Variants in IGF2BP3 observed in about 807,000 individuals in gnomAD.
The protein encoded by IGF2BP3 is insulin like growth factor 2 mRNA binding protein 3.
A neutral mutation model predicts 73.8 loss-of-function variants in IGF2BP3; 9 were observed. The observed-to-expected ratio is 0.12, with a 90% CI of 0.07 to 0.21. The LOEUF (loss-of-function observed/expected upper bound fraction) is 0.21. IGF2BP3 is among the 10% of genes least tolerant of loss of function. The probability of loss-of-function intolerance (pLI) is 1.00; values close to 1 mark genes in which losing one functional copy is unlikely to be tolerated. For synonymous variants in IGF2BP3, 258 were observed against 256.7 expected (o/e 1.01, Z -0.05); for missense variants, 542 against 714.0 (o/e 0.76, Z 2.75).
chr7:23,327,064 T>TAATA (rs370034312), intron 10 of IGF2BP3, among the ~76,000 whole-genome samples: 142 of 149,916 alleles, frequency 9.5e-4, no homozygotes, highest in African/African-American at 3.3e-3. Flanking sequence ...ACTTAAAGTA[T>TAATA]AATAAATAAA....
At chr7:23,330,219 G>T (rs1784408811) in intron 10 of IGF2BP3, among the ~76,000 whole-genome samples, 1 of 151,930 alleles carries the variant, frequency 6.6e-6, no homozygotes, top group Non-Finnish European at 1.5e-5. Flanking sequence ...CTGGGAGGCG[G>T]AGGCTACAGT....
chr7:23,372,979 G>C (rs755148346), intron 3 of IGF2BP3, among the ~76,000 whole-genome samples: 1 of 152,108 alleles, frequency 6.6e-6, no homozygotes, highest in Non-Finnish European at 1.5e-5. Flanking sequence ...AGATTCCAGA[G>C]CCCATACTCT....
intron 10 of IGF2BP3, among the ~76,000 whole-genome samples, chr7:23,341,773 GA>G (rs1452944575): frequency 6.6e-6 from 1 of 151,166 alleles, no homozygotes; most frequent in Non-Finnish European, 1.5e-5. Flanking sequence ...AAAGAAAAAA[GA>G]AAAAAGAAAA....
At chr7:23,434,108 A>G (rs565375452) in intron 2 of IGF2BP3, among the ~76,000 whole-genome samples, 1,543 of 150,516 alleles carry the variant, frequency 0.01, 11 homozygotes, top group South Asian at 0.031. Flanking sequence ...AAAAAAAAAA[A>G]GAAAAAGTTT....
intron 3 of IGF2BP3, among the ~76,000 whole-genome samples, chr7:23,366,342 T>C (rs780174770): frequency 3.9e-5 from 6 of 152,132 alleles, no homozygotes; most frequent in Non-Finnish European, 5.9e-5. Context: ...TTCACCATGT[T>C]GCCCAGGCTG....
At chr7:23,364,981 C>A (rs1785332996) in intron 3 of IGF2BP3, among the ~76,000 whole-genome samples, 1 of 152,164 alleles carries the variant, frequency 6.6e-6, no homozygotes, top group African/African-American at 2.4e-5. Context: ...GCCTGGCCAA[C>A]ATGGTGAAAC....
chr7:23,390,415 A>G (rs1223248921), intron 3 of IGF2BP3, among the ~76,000 whole-genome samples: 3 of 152,226 alleles, frequency 2.0e-5, no homozygotes, highest in Non-Finnish European at 4.4e-5. Context: ...TACCAACTAA[A>G]CAAGCGTAGA....
chr7:23,439,161 T>C (rs1460993345), intron 2 of IGF2BP3, among the ~76,000 whole-genome samples: 3 of 152,072 alleles, frequency 2.0e-5, no homozygotes, highest in Non-Finnish European at 4.4e-5. Context: ...AAGAATCCCT[T>C]AAGCCCAGGA....
chr7:23,413,059 C>T (rs1787079208), intron 3 of IGF2BP3, among the ~76,000 whole-genome samples: 2 of 150,890 alleles, frequency 1.3e-5, no homozygotes, highest in Non-Finnish European at 3.0e-5. Context: ...GGGGTTTCTC[C>T]ATGTTGGCCA....
chr7:23,423,294 AATCT>A (rs1562744183), intron 2 of IGF2BP3, among the ~76,000 whole-genome samples: 2 of 152,178 alleles, frequency 1.3e-5, no homozygotes, highest in African/African-American at 4.8e-5. Context: ...ACTGGAGAAA[AATCT>A]ATCTCAGTCA....
intron 3 of IGF2BP3, among the ~76,000 whole-genome samples, chr7:23,417,517 G>C (rs1407650511): frequency 6.6e-6 from 1 of 152,154 alleles, no homozygotes; most frequent in Non-Finnish European, 1.5e-5. Flanking sequence ...GAATTAAAAG[G>C]AAACTCTGCC....
chr7:23,435,585 A>G (rs1171899490), intron 2 of IGF2BP3, among the ~76,000 whole-genome samples: 1 of 151,054 alleles, frequency 6.6e-6, no homozygotes, highest in Non-Finnish European at 1.5e-5. Context: ...CCTCCCGAGT[A>G]GCTGGGATTA....
intron 10 of IGF2BP3, among the ~76,000 whole-genome samples, chr7:23,340,796 G>A (rs548226916): frequency 2.0e-5 from 3 of 151,718 alleles, no homozygotes; most frequent in Non-Finnish European, 4.4e-5. Context: ...TGACCTCAAG[G>A]AAACTGCTAT....
rs1237905622 is a variant in IGF2BP3, at chr7:23,433,191, A to C, written c.237-14367T>G. Among the ~76,000 whole-genome samples, 3 of 152,326 alleles carry C rather than the reference A, an allele frequency of 2.0e-5. No homozygotes were observed. In the South Asian group the frequency reaches 6.2e-4, roughly 32 times the overall value. On this transcript the variant is annotated intron_variant, in intron 2 of 14. Coordinates refer to ENST00000258729, the MANE Select transcript of IGF2BP3 (RefSeq NM_006547.3). ...GTAGCACTGAAAATTAATTATTCCC[A>C]TACTTTTCCATAGCTAAAACTAGTT...
At position 23,349,312 on chromosome 7, in the gene IGF2BP3, G is replaced by A. The variant is rs115410688; in HGVS notation, c.684-1578C>T. 8.9e-3 allele frequency among the ~76,000 whole-genome samples: 1,350 copies of A among 152,248 alleles called. 21 individuals carry two copies. The highest frequency in any genetic ancestry group is 0.031 in the African/African-American group (1,268 of 41,534). On this transcript the variant is annotated intron_variant, in intron 6 of 14. Coordinates refer to ENST00000258729, the MANE Select transcript of IGF2BP3 (RefSeq NM_006547.3). Reference sequence around the variant, plus strand: ...AGATTTGGCTTTCATTTTCCTAAATGTTTGGTTGAAATCTGAAGATTTACC... The same window carrying A: ...AGATTTGGCTTTCATTTTCCTAAATATTTGGTTGAAATCTGAAGATTTACC...
intron 2 of IGF2BP3, among the ~76,000 whole-genome samples, chr7:23,433,890 C>G (rs543548801): frequency 6.6e-5 from 10 of 152,128 alleles, no homozygotes; most frequent in African/African-American, 2.4e-4. Context: ...GTCTGGCCAA[C>G]ATGGCGAAAG....
chr7:23,335,774 TC>T (rs1784558098), intron 10 of IGF2BP3, among the ~76,000 whole-genome samples: 1 of 152,180 alleles, frequency 6.6e-6, no homozygotes, highest in Non-Finnish European at 1.5e-5. Flanking sequence ...GCCAAGACCA[TC>T]CAGCTAAGGC....
intron 7 of IGF2BP3, among the ~76,000 whole-genome samples, chr7:23,346,749 C>A (rs187198604): frequency 1.3e-5 from 2 of 151,888 alleles, no homozygotes; most frequent in Non-Finnish European, 2.9e-5. Flanking sequence ...CATGCCACCA[C>A]GCTCATCTAA....
At chr7:23,415,638 A>G (rs987176823) in intron 3 of IGF2BP3, 2 of 185,476 alleles carry the variant, frequency 1.1e-5, no homozygotes, top group Non-Finnish European at 1.1e-5. Context: ...AACAAGATGT[A>G]TAACTCCTCT....
Sources: allele counts gnomAD v4.1 joint callset (sites outside exome capture counted in the v4.1 genomes callset), GRCh38; gene constraint gnomAD v4.1.1; transcripts MANE v1.5; gene names NCBI Gene and HGNC (gene_info 2026-07-23, HGNC 2026-07-21).